Variants in COL10A1 observed in about 807,000 individuals in gnomAD.
The protein encoded by COL10A1 is collagen alpha-1(X) chain.
Under a neutral mutation model 18.2 loss-of-function variants are expected in COL10A1, and 10 were observed. The observed-to-expected ratio is 0.55, with a 90% confidence interval of 0.34 to 0.93. COL10A1 has a LOEUF of 0.93. Ranked by LOEUF, COL10A1 falls within the 40% of genes least tolerant of loss-of-function variation. The pLI is 0.02. For synonymous variants in COL10A1, 330 were observed against 316.6 expected, an observed-to-expected ratio of 1.04 and a Z score of -0.45; for missense variants, 897 against 853.5, an observed-to-expected ratio of 1.05 and a Z score of -0.64.
chr6:116,133,617 T>C (rs1779520547), intron 1 of COL10A1, among the ~76,000 whole-genome samples: 1 of 152,154 alleles, frequency 6.6e-6, no homozygotes, highest in Non-Finnish European at 1.5e-5. Flanking sequence ...TTAATCATAC[T>C]AACAATGAAA....
upstream of COL10A1, chr6:116,126,281 C>G (rs1262410099): frequency 1.3e-5 from 2 of 152,098 alleles, no homozygotes. Context: ...GGGCTGGGCT[C>G]TCCTTTTCCT....
At chr6:116,198,493 G>C in the COL10A1 span, among the ~76,000 whole-genome samples, 35 of 152,066 alleles carry the variant, frequency 2.3e-4, no homozygotes, top group African/African-American at 7.2e-4. Context: ...AGTTTGGGAG[G>C]CTGAGGCAGA....
intron 1 of COL10A1, among the ~76,000 whole-genome samples, chr6:116,143,600 A>G (rs1213158824): frequency 6.6e-6 from 1 of 152,006 alleles, no homozygotes; most frequent in East Asian, 1.9e-4. Context: ...TCCAAGTCAC[A>G]CTGTCCTTGT....
chr6:116,146,139 A>G (rs567147691), intron 1 of COL10A1, among the ~76,000 whole-genome samples: 3 of 152,318 alleles, frequency 2.0e-5, no homozygotes, highest in Middle Eastern at 3.4e-3. Context: ...AAAAACTTTC[A>G]TGCTTTGTGT....
the COL10A1 span, among the ~76,000 whole-genome samples, chr6:116,175,195 C>T: frequency 6.6e-6 from 1 of 152,190 alleles, no homozygotes; most frequent in Non-Finnish European, 1.5e-5. Flanking sequence ...AATCAGGATA[C>T]AGAGCATTTC....
At chr6:116,170,839 G>A in the COL10A1 span, among the ~76,000 whole-genome samples, 14 of 152,194 alleles carry the variant, frequency 9.2e-5, no homozygotes, top group Admixed American at 2.0e-4. Context: ...CCCACCTGCC[G>A]TGTAGCCTAT....
chr6:116,140,801 C>G (rs1209156595), intron 1 of COL10A1, among the ~76,000 whole-genome samples: 1 of 152,098 alleles, frequency 6.6e-6, no homozygotes, highest in African/African-American at 2.4e-5. Flanking sequence ...TTTGTCCATA[C>G]TGATGTGTGG....
At chr6:116,201,914 A>ATTTATG in the COL10A1 span, among the ~76,000 whole-genome samples, 1 of 152,020 alleles carries the variant, frequency 6.6e-6, no homozygotes. Flanking sequence ...ACACTGGTAG[A>ATTTATG]TTTATGCACC....
the COL10A1 span, among the ~76,000 whole-genome samples, chr6:116,212,874 T>G: frequency 6.6e-6 from 1 of 152,162 alleles, no homozygotes; most frequent in Non-Finnish European, 1.5e-5. Flanking sequence ...TTTAAACTGT[T>G]TAAAACATTT....
chr6:116,129,698 T>C (rs572551686), upstream of COL10A1, among the ~76,000 whole-genome samples: 2 of 152,176 alleles, frequency 1.3e-5, no homozygotes, highest in Admixed American at 1.3e-4. Context: ...AATTACCCCG[T>C]CTGTGGCATT....
chr6:116,147,049 G>A (rs115202382), intron 1 of COL10A1, among the ~76,000 whole-genome samples: 135 of 150,116 alleles, frequency 9.0e-4, no homozygotes, highest in East Asian at 4.3e-3. Flanking sequence ...TTTGAAGTAC[G>A]ACCTCAAACC....
intron 1 of COL10A1, among the ~76,000 whole-genome samples, chr6:116,150,536 C>T (rs1780013693): frequency 6.6e-6 from 1 of 152,140 alleles, no homozygotes; most frequent in South Asian, 2.1e-4. Flanking sequence ...CCACCTGCCT[C>T]GGCCTCCCAA....
chr6:116,122,303 A>G (rs1378922474), intron 2 of COL10A1, among the ~76,000 whole-genome samples: 1 of 152,186 alleles, frequency 6.6e-6, no homozygotes, highest in Admixed American at 6.5e-5. Context: ...AAAAGGCAGA[A>G]AAAGACAGTG....
intron 1 of COL10A1, among the ~76,000 whole-genome samples, chr6:116,132,709 G>T (rs908705398): frequency 1.3e-5 from 2 of 152,046 alleles, no homozygotes. Flanking sequence ...AAACACCAGC[G>T]ACTGGGCTAA....
chr6:116,204,771 A>G, the COL10A1 span, among the ~76,000 whole-genome samples: 2 of 152,002 alleles, frequency 1.3e-5, no homozygotes, highest in Non-Finnish European at 2.9e-5. Flanking sequence ...TCTAGAATGT[A>G]AGGTCTATGA....
chr6:116,163,141 A>AAAAAAATATATATATATATAT (rs761718922), upstream of COL10A1, among the ~76,000 whole-genome samples: 2 of 88,406 alleles, frequency 2.3e-5, no homozygotes, highest in African/African-American at 5.8e-5. Flanking sequence ...AAAAAAAAAA[A>AAAAAAATATATATATATATAT]ATATATATAT....
At chr6:116,212,042 T>A in the COL10A1 span, among the ~76,000 whole-genome samples, 1 of 152,144 alleles carries the variant, frequency 6.6e-6, no homozygotes, top group Admixed American at 6.6e-5. Context: ...ACACATAGAC[T>A]ATCCTATATA....
At chr6:116,139,657 T>C (rs9488847) in intron 1 of COL10A1, among the ~76,000 whole-genome samples, 5,309 of 152,266 alleles carry the variant, frequency 0.035, 309 homozygotes, top group African/African-American at 0.12. Flanking sequence ...ACGATCTAGT[T>C]TTTTGATTTG....
At chr6:116,141,011 T>C (rs1179160754) in intron 1 of COL10A1, among the ~76,000 whole-genome samples, 1 of 152,178 alleles carries the variant, frequency 6.6e-6, no homozygotes, top group Non-Finnish European at 1.5e-5. Flanking sequence ...ATTTTTCTGC[T>C]TCACTGGCTA....
Sources: allele counts gnomAD v4.1 joint callset (sites outside exome capture counted in the v4.1 genomes callset), GRCh38; gene constraint gnomAD v4.1.1; transcripts MANE v1.5; gene names NCBI Gene and HGNC (gene_info 2026-07-23, HGNC 2026-07-21).